The following C1orf185 variants were observed in gnomAD, a reference collection of about 807,000 sequenced individuals.
The protein encoded by C1orf185 is chromosome 1 open reading frame 185.
In C1orf185, 13 loss-of-function variants were observed where a neutral mutation model predicts 16.1. That is an observed-to-expected ratio of 0.81 (90% CI 0.53 to 1.28). The LOEUF is 1.28. Among genes scored for constraint, C1orf185 ranks in the 50% most tolerant of loss-of-function variants. The pLI, the probability that C1orf185 is intolerant of heterozygous loss-of-function variation, is 0.00. For missense variants in C1orf185, 220 were observed against 225.2 expected (o/e 0.98, Z 0.15); for synonymous variants, 80 against 76.9 (o/e 1.04, Z -0.21).
At chr1:51,134,801 G>C (rs1243248347) in intron 3 of C1orf185, among the ~76,000 whole-genome samples, 1 of 152,162 alleles carries the variant, frequency 6.6e-6, no homozygotes, top group East Asian at 1.9e-4. Context: ...GAACCAGGAA[G>C]AAATTTAATC....
rs1033014091 is a variant in C1orf185 at position 51,123,446 on chromosome 1, TG to T, written c.258+4647del. ...GGACATTTTGGTTTTTTCCAAGTTT[TG>T]GCAATTATGAATAAAGTTGCTATAA... On this transcript the variant is annotated intron_variant, in intron 3 of 4. Transcript: ENST00000371759. Among the ~76,000 whole-genome samples, 21 of 152,372 alleles carry T rather than the reference TG, an allele frequency of 1.4e-4. No homozygotes were observed. In the Middle Eastern group the frequency reaches 0.01, roughly 74 times the overall value.
downstream of C1orf185, among the ~76,000 whole-genome samples, chr1:51,149,439 A>T (rs1283655676): frequency 6.6e-6 from 1 of 152,236 alleles, no homozygotes; most frequent in Non-Finnish European, 1.5e-5. Flanking sequence ...GTTCTAGCAC[A>T]TCTATTGCTA....
At chr1:51,144,618 C>A (rs926528988) in intron 3 of C1orf185, among the ~76,000 whole-genome samples, 3 of 152,102 alleles carry the variant, frequency 2.0e-5, no homozygotes, top group Non-Finnish European at 4.4e-5. Flanking sequence ...GAGGCTGAGG[C>A]AGGAGGATCA....
At chr1:51,103,287 T>C (rs1646045098) in intron 1 of C1orf185, among the ~76,000 whole-genome samples, 1 of 151,800 alleles carries the variant, frequency 6.6e-6, no homozygotes, top group Non-Finnish European at 1.5e-5. Flanking sequence ...ACATGTGTAG[T>C]CCTAGATACT....
At chr1:51,138,931 G>C (rs973355594) in intron 3 of C1orf185, among the ~76,000 whole-genome samples, 1 of 151,490 alleles carries the variant, frequency 6.6e-6, no homozygotes, top group Admixed American at 6.6e-5. Flanking sequence ...CAAGTGGTCC[G>C]CCTGTTTCAA....
intron 3 of C1orf185, among the ~76,000 whole-genome samples, chr1:51,124,231 G>A (rs1054118509): frequency 1.3e-5 from 2 of 151,988 alleles, no homozygotes; most frequent in African/African-American, 2.4e-5. Context: ...ACAGGCGCCC[G>A]CCACCATGCC....
At chr1:51,144,542 T>G (rs1047428641) in intron 3 of C1orf185, among the ~76,000 whole-genome samples, 37 of 152,180 alleles carry the variant, frequency 2.4e-4, no homozygotes, top group South Asian at 4.1e-4. Context: ...TGAGACCCCA[T>G]CTGTACAAAA....
chr1:51,106,880 C>T (rs1329675782), intron 1 of C1orf185, among the ~76,000 whole-genome samples: 3 of 151,678 alleles, frequency 2.0e-5, no homozygotes, highest in Non-Finnish European at 4.4e-5. Context: ...GCCTCAGCCT[C>T]CCGAGTAACT....
At chr1:51,142,913 A>G (rs553289611) in intron 3 of C1orf185, among the ~76,000 whole-genome samples, 3 of 151,852 alleles carry the variant, frequency 2.0e-5, no homozygotes, top group Admixed American at 2.0e-4. Flanking sequence ...ACAGGCATGC[A>G]CCATCATGCC....
intron 3 of C1orf185, among the ~76,000 whole-genome samples, chr1:51,123,888 T>G (rs1646215568): frequency 6.6e-6 from 1 of 151,942 alleles, no homozygotes; most frequent in African/African-American, 2.4e-5. Flanking sequence ...ATGTAAGTTT[T>G]AAAGAACTTA....
intron 1 of C1orf185, 127 bp downstream of exon 1, chr1:51,102,376 A>AATTGTATACAGTATACAGTATACAG: frequency 1.7e-6 from 1 of 599,368 alleles, no homozygotes. Context: ...AAATACTTGA[A>AATTGTATACAGTATACAGTATACAG]TCATGGGTAT....
At chr1:51,123,779 G>A (rs1039961300) in intron 3 of C1orf185, among the ~76,000 whole-genome samples, 61 of 152,124 alleles carry the variant, frequency 4.0e-4, no homozygotes, top group African/African-American at 1.4e-3. Context: ...ACCTTTTCAT[G>A]TGCTTATTTG....
intron 1 of C1orf185, among the ~76,000 whole-genome samples, chr1:51,107,005 C>T (rs1646077981): frequency 6.6e-6 from 1 of 152,162 alleles, no homozygotes; most frequent in Admixed American, 6.6e-5. Context: ...GATCCGCCCA[C>T]CTCAGCCTCC....
At chr1:51,109,678 T>G (rs1646101808) in intron 1 of C1orf185, among the ~76,000 whole-genome samples, 2 of 152,186 alleles carry the variant, frequency 1.3e-5, no homozygotes, top group African/African-American at 4.8e-5. Context: ...TCCTGGCACT[T>G]TGGCAAAAAT....
intron 3 of C1orf185, among the ~76,000 whole-genome samples, chr1:51,142,241 C>T (rs1646369551): frequency 6.6e-6 from 1 of 152,196 alleles, no homozygotes; most frequent in South Asian, 2.1e-4. Flanking sequence ...CCTAGAATCA[C>T]ATTTGCATTT....
chr1:51,116,058 A>G (rs747938309), intron 2 of C1orf185, among the ~76,000 whole-genome samples: 1 of 152,116 alleles, frequency 6.6e-6, no homozygotes, highest in Non-Finnish European at 1.5e-5. Context: ...AATGAAAGAC[A>G]TCCTTGAATC....
chr1:51,114,016 C>G (rs1183299978), intron 2 of C1orf185, among the ~76,000 whole-genome samples: 1 of 152,182 alleles, frequency 6.6e-6, no homozygotes, highest in Non-Finnish European at 1.5e-5. Flanking sequence ...TATGTGTGTA[C>G]TAAGGTAGGT....
At chr1:51,127,089 A>T (rs1646247209) in intron 3 of C1orf185, among the ~76,000 whole-genome samples, 1 of 152,170 alleles carries the variant, frequency 6.6e-6, no homozygotes, top group Non-Finnish European at 1.5e-5. Flanking sequence ...CAATTTTTAA[A>T]ATATTTTGAG....
chr1:51,103,410 A>AACACACACAG (rs1553161776), intron 1 of C1orf185, among the ~76,000 whole-genome samples: 1 of 128,892 alleles, frequency 7.8e-6, no homozygotes, highest in East Asian at 2.2e-4. Flanking sequence ...TGTCTCGAAA[A>AACACACACAG]ACACACACAC....
Sources: gnomAD v4.1 joint callset for allele counts (sites outside exome capture counted in the v4.1 genomes callset) on GRCh38, gnomAD v4.1.1 for gene constraint, MANE v1.5 for transcripts, NCBI Gene and HGNC (gene_info 2026-07-23, HGNC 2026-07-21) for gene names.